The following CBLB variants were observed in gnomAD, a reference collection of about 807,000 sequenced individuals.
CBLB encodes Cbl proto-oncogene B, also known as E3 ubiquitin-protein ligase CBL-B.
In CBLB, 31 loss-of-function variants were observed where a neutral mutation model predicts 104.9. The ratio of observed to expected loss-of-function variants is 0.30; its 90% CI spans 0.22 to 0.40. The LOEUF is 0.40. Ranked by LOEUF, CBLB falls within the 10% of genes least tolerant of loss-of-function variation. The pLI is 1.00. For synonymous variants in CBLB, 440 were observed against 422.6 expected (o/e 1.04, Z -0.51); for missense variants, 1,062 against 1,214.6 (o/e 0.87, Z 1.87).
chr3:105,765,755 G>A (rs572567663), intron 4 of CBLB, among the ~76,000 whole-genome samples: 6 of 152,116 alleles, frequency 3.9e-5, no homozygotes, highest in Non-Finnish European at 8.8e-5. Context: ...TTTCAAAATA[G>A]TACTGCTCAT....
intron 4 of CBLB, among the ~76,000 whole-genome samples, chr3:105,756,650 A>T (rs1213381280): frequency 6.6e-6 from 1 of 152,224 alleles, no homozygotes; most frequent in African/African-American, 2.4e-5. Context: ...AAGAACAAAA[A>T]AGGTAATCTT....
At chr3:105,659,827 A>C (rs2063605428) in intron 18 of CBLB, among the ~76,000 whole-genome samples, 1 of 152,172 alleles carries the variant, frequency 6.6e-6, no homozygotes, top group Non-Finnish European at 1.5e-5. Context: ...GAAAAAAAAA[A>C]CAAAATAGTA....
intron 13 of CBLB, among the ~76,000 whole-genome samples, chr3:105,688,175 T>C (rs1031564700): frequency 6.6e-6 from 1 of 152,024 alleles, no homozygotes. Context: ...GCTGAACAAA[T>C]TGTATTTGGC....
intron 4 of CBLB, among the ~76,000 whole-genome samples, chr3:105,773,621 T>G (rs573156950): frequency 6.6e-6 from 1 of 152,340 alleles, no homozygotes; most frequent in South Asian, 2.1e-4. Flanking sequence ...ACGCTAGTAA[T>G]ATATTTTTCG....
chr3:105,842,091 T>TGTA (rs571639708), intron 3 of CBLB, among the ~76,000 whole-genome samples: 4 of 151,844 alleles, frequency 2.6e-5, no homozygotes, highest in Non-Finnish European at 5.9e-5. Flanking sequence ...GTCAGGCAGG[T>TGTA]TTACTGTCCA....
At chr3:105,724,829 A>G (rs984385907) in intron 9 of CBLB, among the ~76,000 whole-genome samples, 7 of 152,188 alleles carry the variant, frequency 4.6e-5, no homozygotes, top group African/African-American at 1.2e-4. Context: ...ATATTAATTC[A>G]TTTAATCCTA....
chr3:105,846,712 A>C (rs1483751999), intron 3 of CBLB, among the ~76,000 whole-genome samples: 1 of 152,142 alleles, frequency 6.6e-6, no homozygotes, highest in South Asian at 2.1e-4. Flanking sequence ...TCCTGTACTT[A>C]GTTAAACAGC....
At chr3:105,669,065 AATCCATCCATCCATCCATCCATCC>A (rs140483751) in intron 18 of CBLB, among the ~76,000 whole-genome samples, 1 of 149,848 alleles carries the variant, frequency 6.7e-6, no homozygotes, top group Middle Eastern at 3.2e-3. Context: ...TGTCCACTCA[AATCCATCCATCCATCCATCCATCC>A]ATCCATCCAT....
Position 105,678,474 on chromosome 3 carries a change from A to C in CBLB, c.2526T>G (p.Ser842Arg). Residue 842 changes from serine to arginine, a missense_variant, in exon 17 of 19, where the codon AGT becomes AGG. Transcript: ENST00000394030. ...LIEHSKPPGS[S>R]SRPSSGQDLF... ...GATCCTGTCCTGAGGATGGCCGGCT[A>C]CTGGAGCCAGGAGGTTTTGAATGTT... 6.2e-7 allele frequency: 1 copy of C among 1,614,054 alleles called. No individual in the cohort carries two copies. Among genetic ancestry groups the C allele is most frequent in the Non-Finnish European group, 8.5e-7 (1 of 1,179,938 alleles).
intron 3 of CBLB, among the ~76,000 whole-genome samples, chr3:105,850,144 T>C (rs1344630557): frequency 6.6e-6 from 1 of 152,080 alleles, no homozygotes; most frequent in African/African-American, 2.4e-5. Flanking sequence ...GAGCCCAAAG[T>C]TACATAATTG....
chr3:105,757,368 G>C (rs1186813128), intron 4 of CBLB, among the ~76,000 whole-genome samples: 1 of 152,136 alleles, frequency 6.6e-6, no homozygotes, highest in Non-Finnish European at 1.5e-5. Flanking sequence ...TTTTCCAAAA[G>C]AGTATAATTA....
chr3:105,775,231 T>C (rs1464417816), intron 4 of CBLB, among the ~76,000 whole-genome samples: 1 of 152,164 alleles, frequency 6.6e-6, no homozygotes, highest in East Asian at 1.9e-4. Context: ...TACATTTTAG[T>C]ACAATGTGGG....
At chr3:105,795,953 A>C (rs1212557158) in intron 3 of CBLB, among the ~76,000 whole-genome samples, 7 of 151,880 alleles carry the variant, frequency 4.6e-5, no homozygotes, top group Non-Finnish European at 1.0e-4. Context: ...CTAACTCCTG[A>C]CCTTGTGATC....
intron 10 of CBLB, among the ~76,000 whole-genome samples, chr3:105,719,167 T>C (rs565520431): frequency 2.6e-5 from 4 of 152,320 alleles, no homozygotes; most frequent in African/African-American, 9.6e-5. Flanking sequence ...AAAAACTCTA[T>C]CAGACACTTC....
chr3:105,725,978 A>G lies in CBLB; in HGVS notation c.1204-5728T>C, dbSNP rs796270695. Among the ~76,000 whole-genome samples, 3 of 151,920 alleles carry G rather than the reference A, an allele frequency of 2.0e-5. No homozygotes were observed. The South Asian group carries it at 6.2e-4, about 32-fold the overall frequency. ...CATTCACCTGTGCCTCAGCCTCCCA[A>G]GCTGCTGGGATTACAGGCTCCCGCC... On this transcript the variant is annotated intron_variant, in intron 9 of 18. Transcript: ENST00000394030.
At chr3:105,659,862 A>C (rs1381530905) in intron 18 of CBLB, among the ~76,000 whole-genome samples, 1 of 152,200 alleles carries the variant, frequency 6.6e-6, no homozygotes, top group African/African-American at 2.4e-5. Flanking sequence ...ACTGTTAGTC[A>C]ACAGGCTGAA....
intron 4 of CBLB, among the ~76,000 whole-genome samples, chr3:105,774,121 G>A (rs1218767460): frequency 6.6e-6 from 1 of 152,220 alleles, no homozygotes; most frequent in Non-Finnish European, 1.5e-5. Flanking sequence ...TAATGGTTCT[G>A]TTTTAGGAAA....
At chr3:105,722,690 G>A (rs1280797133) in intron 9 of CBLB, among the ~76,000 whole-genome samples, 1 of 151,998 alleles carries the variant, frequency 6.6e-6, no homozygotes, top group East Asian at 1.9e-4. Context: ...GAACCTCCAG[G>A]GTCAACTTAC....
chr3:105,786,061 C>CGGGGGGGGGGGGGGGG (rs76857199), intron 3 of CBLB, among the ~76,000 whole-genome samples: 1 of 79,200 alleles, frequency 1.3e-5, no homozygotes, highest in Non-Finnish European at 2.7e-5. Flanking sequence ...GTGAGAGGAT[C>CGGGGGGGGGGGGGGGG]GGGGGGGGGA....
Sources: allele counts gnomAD v4.1 joint callset (sites outside exome capture counted in the v4.1 genomes callset), GRCh38; gene constraint gnomAD v4.1.1; transcripts MANE v1.5; gene names NCBI Gene and HGNC (gene_info 2026-07-23, HGNC 2026-07-21).